The following CSMD2 variants were observed in gnomAD, a reference collection of about 807,000 sequenced individuals.
CSMD2 encodes CUB and sushi domain-containing protein 2.
A neutral mutation model predicts 398.5 loss-of-function variants in CSMD2; 130 were observed. The ratio of observed to expected loss-of-function variants is 0.33; its 90% CI spans 0.28 to 0.38. The LOEUF is 0.38. CSMD2 is among the 10% of genes least tolerant of loss of function. The pLI is 1.00. For synonymous variants in CSMD2, 1,828 were observed against 1,908.5 expected (o/e 0.96, Z 1.10); for missense variants, 3,829 against 4,764.9 (o/e 0.80, Z 5.78).
chr1:34,068,371 T>C (rs1465134191), intron 2 of CSMD2, among the ~76,000 whole-genome samples: 1 of 152,240 alleles, frequency 6.6e-6, no homozygotes, highest in East Asian at 1.9e-4. Context: ...AATCAAAACA[T>C]GCATTCTTAT....
intron 44 of CSMD2, among the ~76,000 whole-genome samples, chr1:33,595,321 T>C (rs292814): frequency 3.7e-4 from 56 of 152,340 alleles, no homozygotes; most frequent in African/African-American, 1.3e-3. Context: ...TATGTTCAGC[T>C]TGTCTTCTGC....
intron 3 of CSMD2, among the ~76,000 whole-genome samples, chr1:33,957,366 C>T (rs951342852): frequency 2.6e-5 from 4 of 152,100 alleles, no homozygotes; most frequent in Admixed American, 6.6e-5. Flanking sequence ...CCTGGCAAGA[C>T]GTTGTACTAG....
intron 7 of CSMD2, among the ~76,000 whole-genome samples, chr1:33,823,972 T>C (rs1199450184): frequency 6.6e-6 from 1 of 152,100 alleles, no homozygotes; most frequent in African/African-American, 2.4e-5. Flanking sequence ...TTTTGGCTAG[T>C]CCATGGGCCT....
rs1653778129 is a variant in CSMD2 at position 33,516,510 on chromosome 1, CG to C, written c.*113del. The C allele has an allele frequency of 6.6e-6, 1 of 152,374 alleles. No individual in the cohort carries two copies. The highest frequency in any genetic ancestry group is 1.5e-5 in the Non-Finnish European group (1 of 68,210). 9.4% of individuals were successfully genotyped at this position (152,374 alleles called of 1,614,324 possible). A position where few individuals can be genotyped will look rare whatever the true frequency, so the allele number is the denominator to read the frequency against. Reference sequence around the variant, plus strand: ...GCAGTAGCAGACACAGGCAAGGAGACGAACGAAGATGGGCACTGGGCACTGT... The same window carrying C: ...GCAGTAGCAGACACAGGCAAGGAGACAACGAAGATGGGCACTGGGCACTGT... On this transcript the variant is annotated 3_prime_UTR_variant, in exon 71 of 71. Transcript: ENST00000373381.
At chr1:33,716,183 G>A in intron 20 of CSMD2, 103 bp downstream of exon 20, 2 of 969,162 alleles carry the variant, frequency 2.1e-6, no homozygotes, top group Non-Finnish European at 3.2e-6. Flanking sequence ...GGACTGGAGA[G>A]TGGATTAATA....
rs113235846 is a variant in CSMD2 at position 34,105,398 on chromosome 1, C to A, written c.188-16205G>T. ...GGGGAAAATCACCTCTAGTTGAGAA[C>A]GACTGGTCTAATTCTTAGCCATATT... On this transcript the variant is annotated intron_variant, in intron 1 of 70. Transcript: ENST00000373381. Among the ~76,000 whole-genome samples the A allele has an allele frequency of 8.5e-5, 13 of 152,262 alleles. No individual in the cohort carries two copies. The South Asian group carries it at 2.5e-3, about 29-fold the overall frequency.
intron 3 of CSMD2, among the ~76,000 whole-genome samples, chr1:34,021,749 C>A (rs970948591): frequency 3.9e-5 from 6 of 152,158 alleles, no homozygotes; most frequent in African/African-American, 1.4e-4. Flanking sequence ...AGAGTCCCCA[C>A]CTGAATGCTG....
intron 5 of CSMD2, chr1:33,870,664 C>A (rs75330386): frequency 0.032 from 4,930 of 152,130 alleles, 85 homozygotes; most frequent in Middle Eastern, 0.096. Context: ...TGGGGCATTG[C>A]TAGTTGTGCT....
chr1:34,065,713 G>C (rs1655038915), intron 2 of CSMD2, among the ~76,000 whole-genome samples: 1 of 152,146 alleles, frequency 6.6e-6, no homozygotes, highest in Non-Finnish European at 1.5e-5. Context: ...CTGTACCCAG[G>C]ACACAGTAAA....
At chr1:33,966,430 G>A (rs1360612663) in intron 3 of CSMD2, among the ~76,000 whole-genome samples, 1 of 152,230 alleles carries the variant, frequency 6.6e-6, no homozygotes, top group Non-Finnish European at 1.5e-5. Flanking sequence ...TGGCATGTGA[G>A]GGAGACACTC....
chr1:34,010,463 T>C (rs369628108), intron 3 of CSMD2, among the ~76,000 whole-genome samples: 8 of 152,348 alleles, frequency 5.3e-5, no homozygotes, highest in East Asian at 3.9e-4. Context: ...AGGTAAGTTC[T>C]ATTGTTAGTC....
chr1:33,660,391 C>T (rs1571125975), intron 26 of CSMD2, among the ~76,000 whole-genome samples: 1 of 152,082 alleles, frequency 6.6e-6, no homozygotes, highest in Non-Finnish European at 1.5e-5. Flanking sequence ...GCAAAGCACC[C>T]GGGGAAAGGC....
Position 33,624,555 on chromosome 1 carries a change from C to T in CSMD2, c.5589G>A (p.Val1863=), listed in dbSNP as rs1641978862. 1.9e-6 allele frequency: 3 copies of T among 1,613,904 alleles called. No individual in the cohort carries two copies. Among genetic ancestry groups the T allele is most frequent in the Non-Finnish European group, 2.5e-6 (3 of 1,179,952 alleles). The change falls in exon 35 of 71, where the codon GTG becomes GTA. Residue 1863 remains valine (V), a synonymous_variant. Transcript: ENST00000373381. The surrounding 1 kb of genome is among the most constrained non-coding windows in gnomAD (Gnocchi z 4.7). ...CGCCTTCGGGGACCACGATCTTCCACACACAGTTGAGGCTGTTGAGGTACG... is the reference window on the plus strand; with the variant it reads ...CGCCTTCGGGGACCACGATCTTCCATACACAGTTGAGGCTGTTGAGGTACG... ...PEPYLNSLNC[V]WKIVVPEGAG...
chr1:33,844,988 A>T (rs959787765), intron 6 of CSMD2, among the ~76,000 whole-genome samples: 7 of 152,252 alleles, frequency 4.6e-5, no homozygotes. Flanking sequence ...AGCATTTAAA[A>T]ATAAAAATGA....
intron 1 of CSMD2, among the ~76,000 whole-genome samples, chr1:34,122,408 C>T (rs1395354484): frequency 6.6e-6 from 1 of 152,124 alleles, no homozygotes; most frequent in Admixed American, 6.5e-5. Flanking sequence ...TGGGCTGCGT[C>T]CAAGAGTAGC....
chr1:33,742,519 C>G (rs993102213), intron 14 of CSMD2, among the ~76,000 whole-genome samples: 3 of 151,820 alleles, frequency 2.0e-5, no homozygotes, highest in Non-Finnish European at 4.4e-5. Flanking sequence ...CTTCTTACGA[C>G]CTGATAACCA....
chr1:33,592,294 G>C, intron 44 of CSMD2: 2 of 702,818 alleles, frequency 2.8e-6, no homozygotes, highest in Non-Finnish European at 5.3e-6. Context: ...ATTGCACTTG[G>C]ATTTTTATCT....
intron 1 of CSMD2, among the ~76,000 whole-genome samples, chr1:34,147,024 G>A (rs948646186): frequency 3.3e-5 from 5 of 152,152 alleles, no homozygotes; most frequent in African/African-American, 1.2e-4. Context: ...TTGGGAGGCC[G>A]AGGCGGGCGG....
chr1:33,763,892 C>T (rs1447062022), intron 13 of CSMD2, among the ~76,000 whole-genome samples: 3 of 152,170 alleles, frequency 2.0e-5, no homozygotes, highest in South Asian at 4.1e-4. Flanking sequence ...CCCTCTCCTG[C>T]TAACCCTTCT....
Sources: allele counts gnomAD v4.1 joint callset (sites outside exome capture counted in the v4.1 genomes callset), GRCh38; gene constraint gnomAD v4.1.1; non-coding constraint Gnocchi (gnomAD v3.1); transcripts MANE v1.5; gene names NCBI Gene and HGNC (gene_info 2026-07-23, HGNC 2026-07-21).